The following DMD variants were observed in gnomAD, a reference collection of about 807,000 sequenced individuals.
DMD encodes mutant dystrophin.
Under a neutral mutation model 330.1 loss-of-function variants are expected in DMD, and 63 were observed. The ratio of observed to expected loss-of-function variants is 0.19; its 90% CI spans 0.16 to 0.24. The LOEUF (loss-of-function observed/expected upper bound fraction) is 0.24. Ranked by LOEUF, DMD falls within the 10% of genes least tolerant of loss-of-function variation. DMD has a pLI of 1.00. For synonymous variants in DMD, 1,223 were observed against 959.8 expected (o/e 1.27, Z -5.07); for missense variants, 3,344 against 2,684.1 (o/e 1.25, Z -5.43).
intron 55 of DMD, among the ~76,000 whole-genome samples, chrX:31,581,027 T>TCA (rs1052469195): frequency 3.6e-5 from 4 of 112,209 alleles, no homozygotes; most frequent in African/African-American, 1.3e-4. Flanking sequence ...AGTAATGTGG[T>TCA]CATTGCAGTA....
intron 51 of DMD, among the ~76,000 whole-genome samples, chrX:31,759,647 A>C (rs2089416429): frequency 8.9e-6 from 1 of 112,027 alleles, no homozygotes; most frequent in Non-Finnish European, 1.9e-5. Context: ...TGCAGATTTT[A>C]ATAATTAATC....
In DMD at chrX:32,488,506, A is replaced by G. The variant is rs2042692106; in HGVS notation, c.2622+2771T>C. Among the ~76,000 whole-genome samples, 3 of 111,679 alleles carry G rather than the reference A, an allele frequency of 2.7e-5. No individual in the cohort carries two copies. In the South Asian group the frequency reaches 1.1e-3, roughly 42 times the overall value. On this transcript the variant is annotated intron_variant, in intron 20 of 78. Coordinates refer to ENST00000357033, the MANE Select transcript of DMD (RefSeq NM_004006.3). ...ACATGTTATAATTTATTTACCTATCACTAATCTCAGCAGAACAGTATATAT... is the reference window on the plus strand; with the variant it reads ...ACATGTTATAATTTATTTACCTATCGCTAATCTCAGCAGAACAGTATATAT...
chrX:32,816,822 T>A (rs778823997), intron 5 of DMD, among the ~76,000 whole-genome samples, 182 bp from the exon 6 acceptor site: 53 of 111,831 alleles, frequency 4.7e-4, no homozygotes, highest in African/African-American at 1.7e-3. Context: ...TCTATTCTGA[T>A]TCATTGGTAT....
chrX:31,810,588 G>A (rs1263873672), intron 50 of DMD, among the ~76,000 whole-genome samples: 1 of 111,850 alleles, frequency 8.9e-6, no homozygotes, highest in Non-Finnish European at 1.9e-5. Flanking sequence ...AATAGAATGA[G>A]AGCCTTTCCT....
chrX:32,712,252 C>A (rs1256086790), intron 7 of DMD, among the ~76,000 whole-genome samples: 1 of 111,274 alleles, frequency 9.0e-6, no homozygotes, highest in Non-Finnish European at 1.9e-5. Context: ...CAAACCTAGA[C>A]CCTGATTTTA....
At chrX:31,468,874 T>C (rs1043989924) in intron 59 of DMD, among the ~76,000 whole-genome samples, 4 of 112,122 alleles carry the variant, frequency 3.6e-5, no homozygotes, top group Middle Eastern at 4.7e-3. Flanking sequence ...ATATTTAGGA[T>C]AGTTAGCTCT....
intron 44 of DMD, among the ~76,000 whole-genome samples, chrX:32,126,250 G>C (rs2096660984): frequency 8.9e-6 from 1 of 112,229 alleles, no homozygotes; most frequent in African/African-American, 3.2e-5. Context: ...GACAGATAGT[G>C]GTGCCAGGGG....
chrX:32,182,397 A>T (rs1156386053), intron 44 of DMD, among the ~76,000 whole-genome samples: 5 of 111,790 alleles, frequency 4.5e-5, no homozygotes, highest in Non-Finnish European at 9.4e-5. Flanking sequence ...TAATAAAAAA[A>T]TCTAACATCT....
chrX:33,129,888 G>T (rs1332099817), intron 1 of DMD, among the ~76,000 whole-genome samples: 1 of 111,518 alleles, frequency 9.0e-6, no homozygotes, highest in Non-Finnish European at 1.9e-5. Context: ...TTAGTTGAGG[G>T]TATTTCTTCT....
chrX:31,821,864 CAG>C (rs1304417465), intron 49 of DMD, among the ~76,000 whole-genome samples: 3 of 111,998 alleles, frequency 2.7e-5, no homozygotes, highest in Non-Finnish European at 5.6e-5. Flanking sequence ...TCTGAAGAAT[CAG>C]AGTTGGAAAA....
intron 60 of DMD, among the ~76,000 whole-genome samples, chrX:31,388,901 C>CA (rs1241857032): frequency 1.8e-5 from 2 of 111,943 alleles, no homozygotes; most frequent in African/African-American, 3.2e-5. Flanking sequence ...GACTCCGTCT[C>CA]AAAAAACAAA....
chrX:31,927,552 A>C (rs2094796053), intron 47 of DMD, among the ~76,000 whole-genome samples: 1 of 111,626 alleles, frequency 9.0e-6, no homozygotes, highest in Admixed American at 9.6e-5. Flanking sequence ...ATAAAATTTA[A>C]TTGCTGGGAC....
At chrX:32,619,702 T>C (rs2057848195) in intron 11 of DMD, among the ~76,000 whole-genome samples, 1 of 111,667 alleles carries the variant, frequency 9.0e-6, no homozygotes, top group Non-Finnish European at 1.9e-5. Flanking sequence ...GCAGGAAAGA[T>C]AGAACACACT....
intron 2 of DMD, among the ~76,000 whole-genome samples, chrX:32,927,637 C>A (rs756930302): frequency 9.9e-5 from 11 of 111,135 alleles, no homozygotes; most frequent in African/African-American, 3.6e-4. Flanking sequence ...TTTAAGTTTT[C>A]GGGTATTTAG....
At chrX:32,410,985 T>G (rs773149635) in intron 30 of DMD, among the ~76,000 whole-genome samples, 2 of 111,693 alleles carry the variant, frequency 1.8e-5, no homozygotes, top group Non-Finnish European at 3.8e-5. Context: ...TCATTAATAA[T>G]TGAGGTGTAA....
intron 1 of DMD, among the ~76,000 whole-genome samples, chrX:33,324,916 C>T (rs1175553490): frequency 9.0e-6 from 1 of 111,067 alleles, no homozygotes; most frequent in African/African-American, 3.3e-5. Flanking sequence ...CTTCCCTTTC[C>T]TTTCATGCCG....
chrX:31,188,297 A>G lies in DMD; in HGVS notation c.9808-5393T>C, dbSNP rs145341153. ...AATTAAAAGCCAGGCAAGCTTCTGT[A>G]AAGACCTAACAGAACTAGAATTAAA... is the stretch of plus-strand genomic sequence containing the variant. On this transcript the variant is annotated intron_variant, in intron 67 of 78. Transcript: ENST00000357033. Among the ~76,000 whole-genome samples, 216 of 112,378 alleles carry G rather than the reference A, an allele frequency of 1.9e-3. 1 individual carries two copies. The highest frequency in any genetic ancestry group is 6.7e-3 in the African/African-American group (206 of 30,911).
At chrX:32,732,049 T>A (rs984651731) in intron 7 of DMD, among the ~76,000 whole-genome samples, 9 of 111,108 alleles carry the variant, frequency 8.1e-5, no homozygotes, top group East Asian at 2.9e-4. Flanking sequence ...AGAATAACCA[T>A]TACAGAGAAG....
intron 11 of DMD, among the ~76,000 whole-genome samples, chrX:32,620,262 G>A (rs2057891902): frequency 8.9e-6 from 1 of 111,926 alleles, no homozygotes; most frequent in African/African-American, 3.2e-5. Context: ...GAACCTGTAT[G>A]TAATGTTACA....
Sources: gnomAD v4.1 joint callset for allele counts (sites outside exome capture counted in the v4.1 genomes callset) on GRCh38, gnomAD v4.1.1 for gene constraint, MANE v1.5 for transcripts, NCBI Gene and HGNC (gene_info 2026-07-23, HGNC 2026-07-21) for gene names.